Variants in IRAK2 observed in about 807,000 individuals in gnomAD.
IRAK2 encodes interleukin 1 receptor associated kinase 2.
A neutral mutation model predicts 72.0 loss-of-function variants in IRAK2; 57 were observed. That is an observed-to-expected ratio of 0.79 (90% CI 0.64 to 0.99). The LOEUF is 0.99. Ranked by LOEUF, IRAK2 falls within the 50% of genes least tolerant of loss-of-function variation. The pLI, the probability that IRAK2 is intolerant of heterozygous loss-of-function variation, is 0.00. For synonymous variants in IRAK2, 293 were observed against 312.7 expected (o/e 0.94, Z 0.67); for missense variants, 790 against 794.4 (o/e 0.99, Z 0.07).
chr3:10,225,701 G>T (rs78601253), intron 9 of IRAK2, among the ~76,000 whole-genome samples: 2 of 141,172 alleles, frequency 1.4e-5, no homozygotes, highest in African/African-American at 2.6e-5. Flanking sequence ...GTTTTTTGGT[G>T]TTTTTTTTTT....
intron 1 of IRAK2, among the ~76,000 whole-genome samples, chr3:10,177,554 G>A (rs1048868090): frequency 2.0e-5 from 3 of 152,182 alleles, no homozygotes; most frequent in Admixed American, 6.5e-5. Context: ...TCCCACGGGC[G>A]CAGTGACTGC....
At chr3:10,230,516 T>C (rs1236819493) in intron 10 of IRAK2, among the ~76,000 whole-genome samples, 1 of 152,040 alleles carries the variant, frequency 6.6e-6, no homozygotes, top group East Asian at 1.9e-4. Flanking sequence ...GGTTAAATAA[T>C]ATGTGAGATG....
chr3:10,240,558 C>CCCCCCCCT (rs1274154130), intron 12 of IRAK2, among the ~76,000 whole-genome samples: 1 of 18,066 alleles, frequency 5.5e-5, no homozygotes, highest in Non-Finnish European at 8.2e-5. Context: ...CCCCCCCCGC[C>CCCCCCCCT]TTTTTTTTTT....
chr3:10,201,167 T>A (rs994221325), intron 3 of IRAK2, among the ~76,000 whole-genome samples: 1 of 152,206 alleles, frequency 6.6e-6, no homozygotes, highest in Non-Finnish European at 1.5e-5. Flanking sequence ...TCAAAGATAT[T>A]GACTCATTTA....
intron 2 of IRAK2, among the ~76,000 whole-genome samples, chr3:10,195,687 ATCATGGGCGGTTCTGGG>A (rs1697251871): frequency 6.6e-6 from 1 of 152,134 alleles, no homozygotes; most frequent in Admixed American, 6.6e-5. Flanking sequence ...ATTTGCTGGG[ATCATGGGCGGTTCTGGG>A]TGTAGGTGAG....
intron 4 of IRAK2, among the ~76,000 whole-genome samples, chr3:10,210,141 G>A (rs966116266): frequency 2.0e-5 from 3 of 152,054 alleles, no homozygotes; most frequent in Admixed American, 6.6e-5. Context: ...GCTTGGTCTC[G>A]AACTCCTGAC....
intron 10 of IRAK2, among the ~76,000 whole-genome samples, chr3:10,230,285 C>A (rs192512509): frequency 2.9e-4 from 44 of 151,572 alleles, no homozygotes; most frequent in African/African-American, 8.2e-4. Context: ...AGTAGTACCC[C>A]CCCCCACCGA....
intron 9 of IRAK2, among the ~76,000 whole-genome samples, chr3:10,225,662 A>G (rs753895619): frequency 4.0e-5 from 6 of 151,806 alleles, no homozygotes; most frequent in Non-Finnish European, 8.8e-5. Flanking sequence ...TGAGATTCAC[A>G]GAGCAATGCC....
chr3:10,236,192 C>T (rs1697954923), intron 11 of IRAK2, among the ~76,000 whole-genome samples: 1 of 151,964 alleles, frequency 6.6e-6, no homozygotes, highest in Non-Finnish European at 1.5e-5. Context: ...TGAGAGAGAG[C>T]TCAGCACGTT....
intron 3 of IRAK2, among the ~76,000 whole-genome samples, chr3:10,206,033 A>G (rs1482424922): frequency 6.6e-6 from 1 of 152,198 alleles, no homozygotes; most frequent in Non-Finnish European, 1.5e-5. Context: ...GCAGATACCA[A>G]GACAGGATAG....
At chr3:10,165,688 G>C (rs558728153) in intron 1 of IRAK2, among the ~76,000 whole-genome samples, 10 of 142,924 alleles carry the variant, frequency 7.0e-5, no homozygotes, top group Non-Finnish European at 1.2e-4. Flanking sequence ...TAGAGACCGG[G>C]TTTCACCATG....
chr3:10,215,630 C>T (rs1697593143), intron 6 of IRAK2, among the ~76,000 whole-genome samples: 1 of 152,032 alleles, frequency 6.6e-6, no homozygotes. Context: ...AAGTGATCCT[C>T]CTGCTTTGGC....
rs185535027 is a variant in IRAK2 at position 10,172,650 on chromosome 3, C to T, written c.95-5188C>T. On this transcript the variant is annotated intron_variant, in intron 1 of 12. Transcript: ENST00000256458. Reference sequence around the variant, plus strand: ...GTCAGGAGTTTGAGCCCAGCCTGGCCAACATAGTGAAACCCCGTCTCTACC... The same window carrying T: ...GTCAGGAGTTTGAGCCCAGCCTGGCTAACATAGTGAAACCCCGTCTCTACC... Among the ~76,000 whole-genome samples the T allele has an allele frequency of 2.1e-3, 311 of 146,478 alleles. 11 individuals are homozygous for T. In the East Asian group the frequency reaches 0.06, roughly 28 times the overall value.
chr3:10,223,023 T>C (rs562085766), intron 9 of IRAK2, among the ~76,000 whole-genome samples, 192 bp downstream of exon 9: 1 of 152,262 alleles, frequency 6.6e-6, no homozygotes, highest in East Asian at 1.9e-4. Context: ...CTAAGGGTAG[T>C]TTTACATTTA....
At chr3:10,220,001 T>C (rs767939631) in intron 8 of IRAK2, among the ~76,000 whole-genome samples, 1 of 152,214 alleles carries the variant, frequency 6.6e-6, no homozygotes, top group Non-Finnish European at 1.5e-5. Context: ...CCAATTGCTC[T>C]CAGGATGAAT....
Position 10,242,265 on chromosome 3 carries a change from G to T in IRAK2, c.*37G>T. 8.2e-7 allele frequency: 1 copy of T among 1,217,506 alleles called. No homozygotes were observed. Among genetic ancestry groups the T allele is most frequent in the South Asian group, 1.3e-5 (1 of 76,222 alleles). 75.4% of individuals were successfully genotyped at this position (1,217,506 alleles called of 1,614,324 possible). A position where few individuals can be genotyped will look rare whatever the true frequency, so the allele number is the denominator to read the frequency against. Reference sequence around the variant, plus strand: ...CAGCTGAGGACCCTTGTCCTCAGTTGGAAAGATGAGCATCAGATCAAGAAA... The same window carrying T: ...CAGCTGAGGACCCTTGTCCTCAGTTTGAAAGATGAGCATCAGATCAAGAAA... On this transcript the variant is annotated 3_prime_UTR_variant, in exon 13 of 13. Coordinates refer to ENST00000256458, the MANE Select transcript of IRAK2 (RefSeq NM_001570.4).
intron 3 of IRAK2, among the ~76,000 whole-genome samples, chr3:10,202,474 T>C (rs1210816487): frequency 4.0e-5 from 6 of 151,606 alleles, no homozygotes; most frequent in Non-Finnish European, 8.8e-5. Context: ...ATACAAAAAA[T>C]TGGCCGGGCG....
chr3:10,176,922 C>T (rs1404374458), intron 1 of IRAK2, among the ~76,000 whole-genome samples: 1 of 151,546 alleles, frequency 6.6e-6, no homozygotes, highest in Non-Finnish European at 1.5e-5. Flanking sequence ...CTTGCCTCAG[C>T]CTCCCGAGTA....
chr3:10,227,443 C>G (rs1575987001), intron 10 of IRAK2, among the ~76,000 whole-genome samples: 1 of 151,902 alleles, frequency 6.6e-6, no homozygotes, highest in African/African-American at 2.4e-5. Context: ...GTGAGACCCT[C>G]TCTCAAAAAA....
Sources: allele counts gnomAD v4.1 joint callset (sites outside exome capture counted in the v4.1 genomes callset), GRCh38; gene constraint gnomAD v4.1.1; transcripts MANE v1.5; gene names NCBI Gene and HGNC (gene_info 2026-07-23, HGNC 2026-07-21).